Variants in BHLHE41 observed in about 807,000 individuals in gnomAD.
BHLHE41 encodes class E basic helix-loop-helix protein 41.
A neutral mutation model predicts 24.0 loss-of-function variants in BHLHE41; 14 were observed. The observed-to-expected ratio is 0.58, with a 90% confidence interval of 0.39 to 0.91. The LOEUF (loss-of-function observed/expected upper bound fraction) is 0.91. Ranked by LOEUF, BHLHE41 falls within the 40% of genes least tolerant of loss-of-function variation. The probability of loss-of-function intolerance (pLI) is 0.00; values close to 1 mark genes in which losing one functional copy is unlikely to be tolerated. For synonymous variants in BHLHE41, 394 were observed against 315.5 expected, an observed-to-expected ratio of 1.25 and a Z score of -2.64; for missense variants, 674 against 655.4, an observed-to-expected ratio of 1.03 and a Z score of -0.31.
In BHLHE41 at chr12:26,122,836, T is replaced by G. The variant is rs1403819725; in HGVS notation, c.679A>C (p.Ser227Arg). 2 of 1,581,172 alleles carry G rather than the reference T, an allele frequency of 1.3e-6. No homozygotes were observed. Among genetic ancestry groups the G allele is most frequent in the Admixed American group, 1.8e-5 (1 of 56,220 alleles). The change falls in exon 5 of 5, where the codon AGC becomes CGC. Residue 227 changes from serine (S) to arginine (R), a missense_variant. Physicochemically the swap from Ser to Arg is moderately radical, Grantham distance 110. Transcript: ENST00000242728. ...TCGTTCTCGGCGGCGAGCTCGGCGC[T>G]GGGCTGAGTCCGCTGGATGACGGGC... ...CVPVIQRTQP[S>R]AELAAENDTD... is the part of the protein sequence containing the mutation.
rs1198850402 is a variant in BHLHE41, at chr12:26,123,186, T to TG, written c.347-19dup. The TG allele has an allele frequency of 1.3e-6, 2 of 1,564,600 alleles. No homozygotes were observed. The highest frequency in any genetic ancestry group is 2.3e-5 in the East Asian group (1 of 44,184). On this transcript the variant is annotated intron_variant, in intron 4 of 4. Transcript: ENST00000242728. ...TCGCTCCCCTAGGATGAGGAAGGGATGGGGGTGGGGGACGGAGGAGTGGAG... is the reference window on the plus strand; with the variant it reads ...TCGCTCCCCTAGGATGAGGAAGGGATGGGGGGTGGGGGACGGAGGAGTGGAG...
chr12:26,120,972 C>T lies in BHLHE41; in HGVS notation c.*1094G>A, dbSNP rs1363524485. The T allele has an allele frequency of 6.6e-6, 1 of 152,638 alleles. No individual in the cohort carries two copies. Among genetic ancestry groups the T allele is most frequent in the Non-Finnish European group, 1.5e-5 (1 of 68,034 alleles). The allele number at this position is 152,638 out of a possible 1,614,324, so 9.5% of individuals were successfully genotyped here. A position where few individuals can be genotyped will look rare whatever the true frequency, so the allele number is the denominator to read the frequency against. On this transcript the variant is annotated 3_prime_UTR_variant, in exon 5 of 5. Coordinates refer to ENST00000242728, the MANE Select transcript of BHLHE41 (RefSeq NM_030762.3). ...TCTATATCTTTACAGCATTTGCAAT[C>T]AAAACTGGCCAGTTAAATGCTTTCG...
At chr12:26,123,844 A>G (rs1944337086) in intron 3 of BHLHE41, 103 bp from the exon 4 acceptor site, 1 of 847,590 alleles carries the variant, frequency 1.2e-6, no homozygotes, top group Non-Finnish European at 2.0e-6. Flanking sequence ...AACACTTTGA[A>G]AGAAGTACTG....
chr12:26,124,165 T>C lies in BHLHE41; in HGVS notation c.141A>G (p.Leu47=), dbSNP rs1346479750. 1 of 1,603,914 alleles carries C rather than the reference T, an allele frequency of 6.2e-7. No homozygotes were observed. The highest frequency in any genetic ancestry group is 2.2e-5 in the East Asian group (1 of 44,834). Residue 47 remains leucine (L), a synonymous_variant, in exon 3 of 5, where the codon TTA becomes TTG. Coordinates refer to ENST00000242728, the MANE Select transcript of BHLHE41 (RefSeq NM_030762.3). The part of the protein sequence containing the change: ...KRDDTKDTYK[L]PHRLIEKKRR... ...TTTTCTTTTCTATTAATCTGTGCGG[T>C]AATTTGTAGGTATCCTTAATATATG...
At chr12:26,124,253 G>GGC in intron 2 of BHLHE41, 74 bp from the exon 3 acceptor site, 2 of 785,896 alleles carry the variant, frequency 2.5e-6, no homozygotes, top group South Asian at 1.5e-5. Flanking sequence ...ACCCTCGTCT[G>GGC]CCCCCCCCGC....
chr12:26,123,287 T>A, intron 4 of BHLHE41, 119 bp from the exon 5 acceptor site: 1 of 1,307,084 alleles, frequency 7.7e-7, no homozygotes, highest in Non-Finnish European at 1.0e-6. Context: ...ATCTCGGTTT[T>A]TCCCCAGTAT....
At chr12:26,123,316 C>T in intron 4 of BHLHE41, 148 bp from the exon 5 acceptor site, 1 of 1,209,904 alleles carries the variant, frequency 8.3e-7, no homozygotes, top group Non-Finnish European at 1.1e-6. Flanking sequence ...TATAATCCAC[C>T]AGTTGACGAG....
In BHLHE41 at chr12:26,122,253, G is replaced by A. The variant is rs574618039; in HGVS notation, c.1262C>T (p.Pro421Leu). The A allele has an allele frequency of 6.9e-5, 87 of 1,269,608 alleles. No individual in the cohort carries two copies. The East Asian group carries it at 2.2e-3, about 32-fold the overall frequency. The allele number at this position is 1,269,608 out of a possible 1,614,324, so 78.6% of individuals were successfully genotyped here. Residue 421 changes from proline to leucine, a missense_variant, in exon 5 of 5, where the codon CCC becomes CTC. Pro to Leu is a moderately conservative substitution (Grantham distance 98). Transcript: ENST00000242728. ...AFPCLSSVLS[P>L]PPEKAGAAAA... is the part of the protein sequence containing the mutation. ...GGCGGCGCCCGCCTTCTCGGGAGGG[G>A]GCGACAACACCGAGGACAGGCAGGG...
Position 26,122,380 on chromosome 12 carries a change from C to T in BHLHE41, c.1135G>A (p.Ala379Thr). The T allele has an allele frequency of 1.6e-6, 2 of 1,218,040 alleles. No homozygotes were observed. Among genetic ancestry groups the T allele is most frequent in the Non-Finnish European group, 2.1e-6 (2 of 974,358 alleles). 75.5% of individuals were successfully genotyped at this position (1,218,040 alleles called of 1,614,324 possible). A position where few individuals can be genotyped will look rare whatever the true frequency, so the allele number is the denominator to read the frequency against. The change falls in exon 5 of 5, where the codon GCG (alanine) becomes ACG (threonine). Residue 379 changes from alanine (A) to threonine (T), a missense_variant. Physicochemically the swap from Ala to Thr is moderately conservative, Grantham distance 58 (BLOSUM62 0). Around this residue, in one of 3 missense-constraint regions of BHLHE41, gnomAD observed 602 missense variants for 570.8 expected, o/e 1.05. Coordinates refer to ENST00000242728, the MANE Select transcript of BHLHE41 (RefSeq NM_030762.3). ...AGCGGGAACGGGGCGGCAGCCGCCGCCGGGTACAGATACTTCTCCAGGCCG... is the reference window on the plus strand; with the variant it reads ...AGCGGGAACGGGGCGGCAGCCGCCGTCGGGTACAGATACTTCTCCAGGCCG... ...KSGLEKYLYPAAAAAPFPLLY... is the reference protein window; with the variant it reads ...KSGLEKYLYPTAAAAPFPLLY...
Position 26,122,237 on chromosome 12 carries a change from C to T in BHLHE41, c.1278G>A (p.Ala426=), listed in dbSNP as rs1944313637. The change falls in exon 5 of 5, where the codon GCG becomes GCA. Residue 426 remains alanine (A), a synonymous_variant. Coordinates refer to ENST00000242728, the MANE Select transcript of BHLHE41 (RefSeq NM_030762.3). The stretch of plus-strand genomic sequence containing the variant: ...GCAGGAGGGTCGCGGCGGCGGCGCC[C>T]GCCTTCTCGGGAGGGGGCGACAACA... The part of the protein sequence containing the change: ...SSVLSPPPEK[A]GAAAATLLPH... The T allele has an allele frequency of 1.6e-6, 2 of 1,281,970 alleles. No individual in the cohort carries two copies. Among genetic ancestry groups the T allele is most frequent in the African/African-American group, 3.1e-5 (2 of 63,524 alleles). The allele number at this position is 1,281,970 out of a possible 1,614,324, so 79.4% of individuals were successfully genotyped here.
chr12:26,124,252 T>TTGGG, intron 2 of BHLHE41, 73 bp from the exon 3 acceptor site: 1 of 879,452 alleles, frequency 1.1e-6, no homozygotes, highest in Non-Finnish European at 1.8e-6. Context: ...TACCCTCGTC[T>TTGGG]GCCCCCCCCG....
In BHLHE41 at chr12:26,123,911, G is replaced by T. The variant is rs1054093037; in HGVS notation, c.234+161C>A. The T allele has an allele frequency of 1.9e-5, 14 of 742,756 alleles. No homozygotes were observed. In the Admixed American group the frequency reaches 2.9e-4, roughly 15 times the overall value. 46.0% of individuals were successfully genotyped at this position (742,756 alleles called of 1,614,324 possible). ...GGTTATAAATGATTTCTTGCCTTCA[G>T]CTGGGAGCACCTACTCCAGTTTGCG... On this transcript the variant is annotated intron_variant, in intron 3 of 4. Transcript: ENST00000242728.
rs901632823 is a variant in BHLHE41, at chr12:26,121,510, G to C, written c.*556C>G. ...GCTGAACATTAGAAAATACTGAAGAGTAAATTCAATTCTAAAAGAGCCTCA... is the reference window on the plus strand; with the variant it reads ...GCTGAACATTAGAAAATACTGAAGACTAAATTCAATTCTAAAAGAGCCTCA... On this transcript the variant is annotated 3_prime_UTR_variant, in exon 5 of 5. Coordinates refer to ENST00000242728, the MANE Select transcript of BHLHE41 (RefSeq NM_030762.3). 1.3e-5 allele frequency: 2 copies of C among 153,046 alleles called. No individual in the cohort carries two copies. Among genetic ancestry groups the C allele is most frequent in the African/African-American group, 4.8e-5 (2 of 41,404 alleles). The allele number at this position is 153,046 out of a possible 1,614,324, so 9.5% of individuals were successfully genotyped here. A position where few individuals can be genotyped will look rare whatever the true frequency, so the allele number is the denominator to read the frequency against.
In BHLHE41 at chr12:26,124,506, A is replaced by AACTTAC; in HGVS notation, c.126+7_126+12dup. The AACTTAC allele has an allele frequency of 1.2e-6, 2 of 1,612,814 alleles. No homozygotes were observed. Among genetic ancestry groups the AACTTAC allele is most frequent in the Admixed American group, 1.7e-5 (1 of 60,014 alleles). On this transcript the variant is annotated intron_variant, in intron 2 of 4. Coordinates refer to ENST00000242728, the MANE Select transcript of BHLHE41 (RefSeq NM_030762.3). ...CATGCAGGTTATGAGGAATATCGGGAACTTACACTTACCTTGGTGTCGTCT... is the reference window on the plus strand; with the variant it reads ...CATGCAGGTTATGAGGAATATCGGGAACTTACACTTACACTTACCTTGGTGTCGTCT...
intron 4 of BHLHE41, among the ~76,000 whole-genome samples, chr12:26,123,406 C>G (rs1944332819): frequency 6.6e-6 from 1 of 152,140 alleles, no homozygotes; most frequent in South Asian, 2.1e-4. Flanking sequence ...CGGGTGCAAC[C>G]GCCACTTTAA....
Position 26,122,403 on chromosome 12 carries a change from C to A in BHLHE41, c.1112G>T (p.Gly371Val). 7.8e-7 allele frequency: 1 copy of A among 1,289,154 alleles called. No homozygotes were observed. Among genetic ancestry groups the A allele is most frequent in the Non-Finnish European group, 9.9e-7 (1 of 1,009,486 alleles). The allele number at this position is 1,289,154 out of a possible 1,614,324, so 79.9% of individuals were successfully genotyped here. A position where few individuals can be genotyped will look rare whatever the true frequency, so the allele number is the denominator to read the frequency against. Reference sequence around the variant, plus strand: ...CGCCGGGTACAGATACTTCTCCAGGCCGCTCTTGTCCAGGAAGGGCTGCAC... The same window carrying A: ...CGCCGGGTACAGATACTTCTCCAGGACGCTCTTGTCCAGGAAGGGCTGCAC... ...AYVQPFLDKS[G>V]LEKYLYPAAA... is the part of the protein sequence containing the mutation. Residue 371 changes from glycine (G) to valine (V), a missense_variant, in exon 5 of 5, where the codon GGC becomes GTC. By Grantham distance (109) the Gly-to-Val change is moderately radical. Transcript: ENST00000242728.
At chr12:26,123,496 A>C in intron 4 of BHLHE41, 134 bp downstream of exon 4, 1 of 764,712 alleles carries the variant, frequency 1.3e-6, no homozygotes. Flanking sequence ...GGAAAGTATA[A>C]GCAATTTAAC....
rs1944297442 is a variant in BHLHE41, at chr12:26,120,786, G to A, written c.*1280C>T. On this transcript the variant is annotated 3_prime_UTR_variant, in exon 5 of 5. Coordinates refer to ENST00000242728, the MANE Select transcript of BHLHE41 (RefSeq NM_030762.3). The stretch of plus-strand genomic sequence containing the variant: ...CTCACCCCTTACATAACATCCAAGT[G>A]AGATTTCTCACAGTGCTACCTTGGC... The A allele has an allele frequency of 6.6e-6, 1 of 152,648 alleles. No homozygotes were observed. The highest frequency in any genetic ancestry group is 2.1e-4 in the South Asian group (1 of 4,834). The allele number at this position is 152,648 out of a possible 1,614,324, so 9.5% of individuals were successfully genotyped here.
rs574492473 is a variant in BHLHE41, at chr12:26,120,098, C to T, written c.*1968G>A. ...AACGAGCAGGTAGACAAAGCCAGAG[C>T]CTGGAGGCTTGCAAGAGATTGGAAA... On this transcript the variant is annotated 3_prime_UTR_variant, in exon 5 of 5. Transcript: ENST00000242728. The T allele has an allele frequency of 4.6e-5, 7 of 152,248 alleles. No homozygotes were observed. The highest frequency in any genetic ancestry group is 1.7e-4 in the African/African-American group (7 of 41,518). The allele number at this position is 152,248 out of a possible 1,614,324, so 9.4% of individuals were successfully genotyped here. A position where few individuals can be genotyped will look rare whatever the true frequency, so the allele number is the denominator to read the frequency against.
Sources: allele counts gnomAD v4.1 joint callset (sites outside exome capture counted in the v4.1 genomes callset), GRCh38; gene constraint gnomAD v4.1.1; regional missense constraint gnomAD v4.1.1; transcripts MANE v1.5; gene names NCBI Gene and HGNC (gene_info 2026-07-23, HGNC 2026-07-21).